The following RANBP17 variants were observed in gnomAD, a reference collection of about 807,000 sequenced individuals.
The protein encoded by RANBP17 is RAN binding protein 17, also known as ran-binding protein 17.
A neutral mutation model predicts 141.2 loss-of-function variants in RANBP17; 158 were observed. The observed-to-expected ratio is 1.12, with a 90% confidence interval of 0.98 to 1.28. RANBP17 has a LOEUF of 1.28. Among genes scored for constraint, RANBP17 ranks in the 50% most tolerant of loss-of-function variants. The pLI is 0.00. For missense variants in RANBP17, 1,438 were observed against 1,290.7 expected, an observed-to-expected ratio of 1.11 and a Z score of -1.75; for synonymous variants, 430 against 450.0, an observed-to-expected ratio of 0.96 and a Z score of 0.56.
At chr5:171,107,277 A>G (rs1754913129) in intron 14 of RANBP17, among the ~76,000 whole-genome samples, 1 of 152,194 alleles carries the variant, frequency 6.6e-6, no homozygotes, top group African/African-American at 2.4e-5. Flanking sequence ...CTGGTATCAA[A>G]GGAATTAGTT....
At chr5:171,017,001 G>A (rs1284972363) in intron 14 of RANBP17, among the ~76,000 whole-genome samples, 1 of 149,644 alleles carries the variant, frequency 6.7e-6, no homozygotes, top group Admixed American at 6.8e-5. Context: ...AGAGCATTCG[G>A]TGTTTGGTTT....
Position 170,896,094 on chromosome 5 carries a change from A to G in RANBP17, c.468A>G (p.Glu156=), listed in dbSNP as rs747491248. 6.8e-6 allele frequency: 11 copies of G among 1,608,750 alleles called. No homozygotes were observed. The highest frequency in any genetic ancestry group is 3.4e-5 in the Admixed American group (2 of 59,248). ...HCIIGVIILS[E]LTQEMNLVDY... Reference sequence around the variant, plus strand: ...TAATAGGAGTAATAATCCTTTCTGAATTGACTCAGGAAATGAACCTGGTAA... The same window carrying G: ...TAATAGGAGTAATAATCCTTTCTGAGTTGACTCAGGAAATGAACCTGGTAA... The change falls in exon 5 of 28, where the codon GAA becomes GAG. Residue 156 remains glutamate (E), a synonymous_variant. Coordinates refer to ENST00000523189, the MANE Select transcript of RANBP17 (RefSeq NM_022897.5).
chr5:171,090,772 C>T (rs114921743), intron 14 of RANBP17, among the ~76,000 whole-genome samples: 7,480 of 152,266 alleles, frequency 0.049, 233 homozygotes, highest in East Asian at 0.12. Context: ...AAGGTACAGC[C>T]CGGGCTGTTG....
chr5:171,283,985 T>C (rs538432676), intron 25 of RANBP17, among the ~76,000 whole-genome samples: 5 of 152,358 alleles, frequency 3.3e-5, no homozygotes, highest in African/African-American at 1.2e-4. Context: ...CTCGTGCCAT[T>C]ATGCTTATGC....
At position 171,088,103 on chromosome 5, in the gene RANBP17, C is replaced by T. The variant is rs895640415; in HGVS notation, c.1711-82027C>T. Among the ~76,000 whole-genome samples the T allele has an allele frequency of 7.8e-4, 119 of 151,624 alleles. 1 individual carries two copies. The highest frequency in any genetic ancestry group is 2.4e-3 in the African/African-American group (101 of 41,316). Reference sequence around the variant, plus strand: ...GGCATGATTTTGCAGCGGCTGGTACCGGTTGTTCCTTTCCATGTTTAGTGC... The same window carrying T: ...GGCATGATTTTGCAGCGGCTGGTACTGGTTGTTCCTTTCCATGTTTAGTGC... On this transcript the variant is annotated intron_variant, in intron 14 of 27. Transcript: ENST00000523189.
At chr5:171,098,253 A>G (rs1786847055) in intron 14 of RANBP17, among the ~76,000 whole-genome samples, 1 of 151,564 alleles carries the variant, frequency 6.6e-6, no homozygotes, top group Non-Finnish European at 1.5e-5. Flanking sequence ...ACTCTCACTA[A>G]CATTATAAAA....
At chr5:171,178,854 T>C (rs1159468005) in intron 16 of RANBP17, among the ~76,000 whole-genome samples, 1 of 152,216 alleles carries the variant, frequency 6.6e-6, no homozygotes, top group South Asian at 2.1e-4. Flanking sequence ...CGTCGCCCAC[T>C]TTTTGATGGG....
intron 20 of RANBP17, among the ~76,000 whole-genome samples, chr5:171,211,017 AAAG>A (rs1169552511): frequency 6.6e-6 from 1 of 151,826 alleles, no homozygotes; most frequent in African/African-American, 2.4e-5. Flanking sequence ...AAAAAAAAAA[AAAG>A]GCTATACCTT....
chr5:170,949,305 T>A (rs1775016550), intron 12 of RANBP17, among the ~76,000 whole-genome samples: 1 of 152,146 alleles, frequency 6.6e-6, no homozygotes, highest in South Asian at 2.1e-4. Flanking sequence ...GCCCACAGAA[T>A]GGGAGAAAAT....
chr5:171,000,812 CCTT>C (rs1314077013), intron 14 of RANBP17, among the ~76,000 whole-genome samples: 2 of 152,048 alleles, frequency 1.3e-5, no homozygotes, highest in Non-Finnish European at 2.9e-5. Flanking sequence ...TTACAAAGAA[CCTT>C]CTTAAGGATG....
At chr5:170,887,124 ATATTT>A (rs150932779) in intron 3 of RANBP17, among the ~76,000 whole-genome samples, 4,397 of 152,240 alleles carry the variant, frequency 0.029, 205 homozygotes, top group African/African-American at 0.098. Context: ...TCATCGGCCC[ATATTT>A]TAATCAGATT....
chr5:171,190,453 C>T (rs1277192684), intron 18 of RANBP17, among the ~76,000 whole-genome samples: 5 of 152,116 alleles, frequency 3.3e-5, no homozygotes, highest in African/African-American at 1.2e-4. Context: ...TGTTTCAAAA[C>T]ATGTGAGAGA....
chr5:171,086,512 T>A (rs1326401563), intron 14 of RANBP17, among the ~76,000 whole-genome samples: 2 of 134,030 alleles, frequency 1.5e-5, no homozygotes, highest in East Asian at 2.3e-4. Flanking sequence ...CTTTTTCTAT[T>A]GATTGGAATA....
At chr5:171,132,884 A>G (rs928032859) in intron 14 of RANBP17, among the ~76,000 whole-genome samples, 1 of 151,938 alleles carries the variant, frequency 6.6e-6, no homozygotes, top group African/African-American at 2.4e-5. Flanking sequence ...ATTAGTCAGA[A>G]TGTTTGTCTT....
intron 25 of RANBP17, among the ~76,000 whole-genome samples, chr5:171,273,711 G>A (rs187768372): frequency 6.6e-6 from 1 of 152,140 alleles, no homozygotes; most frequent in African/African-American, 2.4e-5. Context: ...CAATCTTAAG[G>A]AATTTCAGAA....
chr5:171,030,824 A>G (rs942284726), intron 14 of RANBP17, among the ~76,000 whole-genome samples: 10 of 151,932 alleles, frequency 6.6e-5, no homozygotes, highest in Admixed American at 1.3e-4. Context: ...TACATCCTCA[A>G]AGGGTTGTAA....
intron 25 of RANBP17, among the ~76,000 whole-genome samples, chr5:171,289,402 AC>A (rs769355684): frequency 7.9e-5 from 12 of 152,146 alleles, no homozygotes. Flanking sequence ...AACACAAACC[AC>A]ATCTTTGTCT....
At chr5:171,079,897 G>A (rs1785159496) in intron 14 of RANBP17, among the ~76,000 whole-genome samples, 1 of 152,118 alleles carries the variant, frequency 6.6e-6, no homozygotes, top group Non-Finnish European at 1.5e-5. Context: ...GGGAAGAGAA[G>A]TTCTCATTTC....
At chr5:170,980,600 C>T (rs1189136704) in intron 14 of RANBP17, among the ~76,000 whole-genome samples, 2 of 152,238 alleles carry the variant, frequency 1.3e-5, no homozygotes, top group Non-Finnish European at 2.9e-5. Flanking sequence ...AGCCCCAAGC[C>T]TTGGCACCTT....
Sources: gnomAD v4.1 joint callset for allele counts (sites outside exome capture counted in the v4.1 genomes callset) on GRCh38, gnomAD v4.1.1 for gene constraint, MANE v1.5 for transcripts, NCBI Gene and HGNC (gene_info 2026-07-23, HGNC 2026-07-21) for gene names.